Variants in EXOC4 observed in about 807,000 individuals in gnomAD.
The protein encoded by EXOC4 is exocyst complex component 4, also known as SEC8-like 1.
In EXOC4, 71 loss-of-function variants were observed where a neutral mutation model predicts 107.2. That is an observed-to-expected ratio of 0.66 (90% CI 0.55 to 0.81). The LOEUF (loss-of-function observed/expected upper bound fraction) is 0.81, where lower values mean the gene tolerates loss of function less well. Ranked by LOEUF, EXOC4 falls within the 30% of genes least tolerant of loss-of-function variation. The pLI, the probability that EXOC4 is intolerant of heterozygous loss-of-function variation, is 0.00. For missense variants in EXOC4, 1,108 were observed against 1,189.6 expected, an observed-to-expected ratio of 0.93 and a Z score of 1.01; for synonymous variants, 456 against 441.2, an observed-to-expected ratio of 1.03 and a Z score of -0.42.
chr7:133,809,962 T>C (rs1797177463), intron 10 of EXOC4, among the ~76,000 whole-genome samples: 1 of 152,224 alleles, frequency 6.6e-6, no homozygotes, highest in African/African-American at 2.4e-5. Flanking sequence ...TGTGCTCTCA[T>C]GATTAGACTC....
At chr7:133,873,620 G>T (rs907991384) in intron 11 of EXOC4, among the ~76,000 whole-genome samples, 7 of 152,144 alleles carry the variant, frequency 4.6e-5, no homozygotes, top group Admixed American at 2.6e-4. Context: ...GAAAACAGTG[G>T]TAATATAGAT....
At chr7:133,611,944 C>T (rs1316586419) in intron 9 of EXOC4, among the ~76,000 whole-genome samples, 2 of 152,128 alleles carry the variant, frequency 1.3e-5, no homozygotes, top group Non-Finnish European at 1.5e-5. Context: ...ATCTCATTTA[C>T]AATATGGTCA....
intron 9 of EXOC4, among the ~76,000 whole-genome samples, chr7:133,521,612 T>G (rs1336164445): frequency 6.6e-6 from 1 of 152,066 alleles, no homozygotes; most frequent in Non-Finnish European, 1.5e-5. Flanking sequence ...CGTGTTTTTT[T>G]TTTGTTCGTT....
At chr7:133,883,487 A>G (rs1799010865) in intron 11 of EXOC4, among the ~76,000 whole-genome samples, 1 of 151,736 alleles carries the variant, frequency 6.6e-6, no homozygotes, top group Non-Finnish European at 1.5e-5. Context: ...CCAAAAAAAA[A>G]AAAAAAATAG....
At chr7:133,415,028 A>G (rs1040225738) in intron 7 of EXOC4, among the ~76,000 whole-genome samples, 1 of 152,172 alleles carries the variant, frequency 6.6e-6, no homozygotes, top group African/African-American at 2.4e-5. Context: ...AAATGAAATC[A>G]TATAATATGT....
At chr7:133,255,898 C>G (rs537096230) in intron 1 of EXOC4, among the ~76,000 whole-genome samples, 1 of 152,030 alleles carries the variant, frequency 6.6e-6, no homozygotes, top group South Asian at 2.1e-4. Flanking sequence ...ATTGTGCTGT[C>G]ACTTGGAAGT....
chr7:133,789,446 G>A (rs919814218), intron 10 of EXOC4, among the ~76,000 whole-genome samples: 4 of 152,148 alleles, frequency 2.6e-5, no homozygotes, highest in Admixed American at 2.6e-4. Context: ...TGCAGTTGTT[G>A]ATTTCCAGCA....
At chr7:133,537,578 A>C (rs1007043470) in intron 9 of EXOC4, among the ~76,000 whole-genome samples, 1 of 152,168 alleles carries the variant, frequency 6.6e-6, no homozygotes, top group Non-Finnish European at 1.5e-5. Flanking sequence ...GCCGAGAGAA[A>C]AGTGTTTCTT....
At chr7:134,095,791 C>T in the EXOC4 span, among the ~76,000 whole-genome samples, 4 of 152,064 alleles carry the variant, frequency 2.6e-5, no homozygotes, top group East Asian at 7.7e-4. Context: ...AAATTGGACC[C>T]CTACATTTCA....
intron 9 of EXOC4, among the ~76,000 whole-genome samples, chr7:133,558,741 G>A (rs978943935): frequency 3.3e-5 from 5 of 151,858 alleles, no homozygotes; most frequent in African/African-American, 9.7e-5. Context: ...ATGGAGTCCC[G>A]ATCATCTTAA....
Position 133,363,609 on chromosome 7 carries a change from TAAA to T in EXOC4, c.1007+7054_1007+7056del, listed in dbSNP as rs10714895. 4.2e-3 allele frequency among the ~76,000 whole-genome samples: 604 copies of T among 142,534 alleles called. 1 individual carries two copies. The highest frequency in any genetic ancestry group is 0.011 in the Middle Eastern group (3 of 282). 93.5% of individuals were successfully genotyped at this position (142,534 alleles called of 152,430 possible). A position where few individuals can be genotyped will look rare whatever the true frequency, so the allele number is the denominator to read the frequency against. On this transcript the variant is annotated intron_variant, in intron 6 of 17. Transcript: ENST00000253861. ...ACCTTTGTGTTTTATGTGGCAAAGT[TAAA>T]AAAAAAAAAAAAAAAAACCTACTCT...
intron 9 of EXOC4, among the ~76,000 whole-genome samples, chr7:133,588,760 A>AC (rs1472083541): frequency 1.3e-5 from 2 of 151,662 alleles, no homozygotes; most frequent in African/African-American, 4.8e-5. Context: ...GGGCATGGTG[A>AC]CTCCTACTCA....
Position 133,552,573 on chromosome 7 carries a change from G to A in EXOC4, c.1417+72435G>A, listed in dbSNP as rs141358150. ...TTTCAACCACAGCCACCTCTAGGGA[G>A]AGATGGCAGATTGGACTGTTTCTGC... On this transcript the variant is annotated intron_variant, in intron 9 of 17. Coordinates refer to ENST00000253861, the MANE Select transcript of EXOC4 (RefSeq NM_021807.4). 9.1e-3 allele frequency among the ~76,000 whole-genome samples: 1,384 copies of A among 152,236 alleles called. 15 individuals are homozygous for A. The highest frequency in any genetic ancestry group is 0.016 in the Non-Finnish European group (1,056 of 68,004).
At chr7:133,676,931 G>C (rs1399983623) in intron 10 of EXOC4, among the ~76,000 whole-genome samples, 1 of 72,592 alleles carries the variant, frequency 1.4e-5, no homozygotes, top group African/African-American at 4.2e-5. Context: ...TAAACTCTGT[G>C]TGTGTGTGTG....
chr7:133,475,812 C>T (rs868796873), intron 8 of EXOC4, among the ~76,000 whole-genome samples: 1 of 151,918 alleles, frequency 6.6e-6, no homozygotes, highest in South Asian at 2.1e-4. Context: ...TTGAAAAGGC[C>T]CCAAGAGCCA....
At chr7:133,588,492 C>T (rs151225073) in intron 9 of EXOC4, among the ~76,000 whole-genome samples, 1 of 152,040 alleles carries the variant, frequency 6.6e-6, no homozygotes, top group Non-Finnish European at 1.5e-5. Flanking sequence ...TGCCACTATT[C>T]TCTATTTGCT....
intron 9 of EXOC4, among the ~76,000 whole-genome samples, chr7:133,580,931 T>A (rs760116994): frequency 1.1e-4 from 16 of 152,234 alleles, no homozygotes; most frequent in Non-Finnish European, 1.9e-4. Context: ...GATACATGAA[T>A]ACACATGTCC....
chr7:133,261,214 G>A (rs902078112), intron 1 of EXOC4, among the ~76,000 whole-genome samples: 1 of 149,656 alleles, frequency 6.7e-6, no homozygotes, highest in Non-Finnish European at 1.5e-5. Context: ...GTCATTTCTG[G>A]GTTTCCATTG....
chr7:133,711,840 G>A (rs1794898984), intron 10 of EXOC4, among the ~76,000 whole-genome samples: 1 of 152,016 alleles, frequency 6.6e-6, no homozygotes, highest in Admixed American at 6.5e-5. Context: ...ACTGACTGTA[G>A]TACTCACTGT....
Sources: gnomAD v4.1 joint callset for allele counts (sites outside exome capture counted in the v4.1 genomes callset) on GRCh38, gnomAD v4.1.1 for gene constraint, MANE v1.5 for transcripts, NCBI Gene and HGNC (gene_info 2026-07-23, HGNC 2026-07-21) for gene names.